Variants in NCALD observed in about 807,000 individuals in gnomAD.
NCALD encodes the protein neurocalcin delta.
Under a neutral mutation model 18.6 loss-of-function variants are expected in NCALD, and 10 were observed. The ratio of observed to expected loss-of-function variants is 0.54; its 90% confidence interval spans 0.33 to 0.91. The LOEUF is 0.91. Ranked by LOEUF, NCALD falls within the 40% of genes least tolerant of loss-of-function variation. The pLI is 0.03. For synonymous variants in NCALD, 88 were observed against 87.4 expected (o/e 1.01, Z -0.04); for missense variants, 184 against 247.6 (o/e 0.74, Z 1.72).
intron 4 of NCALD, among the ~76,000 whole-genome samples, chr8:101,844,790 T>G (rs533741207): frequency 6.6e-6 from 1 of 152,192 alleles, no homozygotes; most frequent in Non-Finnish European, 1.5e-5. Context: ...CTAGCAATAT[T>G]GTGCAGGGTG....
At chr8:102,102,764 A>G (rs1201072823) in intron 1 of NCALD, among the ~76,000 whole-genome samples, 1 of 152,054 alleles carries the variant, frequency 6.6e-6, no homozygotes, top group African/African-American at 2.4e-5. Flanking sequence ...TGCATTTATG[A>G]AAGTTTAATG....
upstream of NCALD, among the ~76,000 whole-genome samples, chr8:101,792,193 A>C (rs141192749): frequency 3.9e-5 from 6 of 152,330 alleles, no homozygotes; most frequent in East Asian, 1.2e-3. Flanking sequence ...TAAATAAATA[A>C]AAAAGAGTAG....
At chr8:101,804,129 A>T (rs1192934100) in intron 4 of NCALD, among the ~76,000 whole-genome samples, 1 of 151,954 alleles carries the variant, frequency 6.6e-6, no homozygotes, top group African/African-American at 2.4e-5. Flanking sequence ...GATCATTAGT[A>T]ATTTTTAGAA....
chr8:101,934,585 AG>A (rs1818692422), intron 2 of NCALD, among the ~76,000 whole-genome samples: 2 of 152,164 alleles, frequency 1.3e-5, no homozygotes, highest in African/African-American at 2.4e-5. Context: ...AGCTTCAGGA[AG>A]GAGGGAGTTC....
At chr8:101,913,208 T>C (rs1817861921) in intron 3 of NCALD, among the ~76,000 whole-genome samples, 1 of 152,242 alleles carries the variant, frequency 6.6e-6, no homozygotes, top group African/African-American at 2.4e-5. Flanking sequence ...TTTAAGTCAC[T>C]ATATTTGTGG....
intron 2 of NCALD, among the ~76,000 whole-genome samples, chr8:101,705,061 A>T (rs1237087520): frequency 6.6e-6 from 1 of 150,956 alleles, no homozygotes; most frequent in Non-Finnish European, 1.5e-5. Context: ...ACCCCGTCTC[A>T]ACTAAAAATA....
At position 101,687,346 on chromosome 8, in the gene NCALD, C is replaced by A. The variant is rs544930239; in HGVS notation, c.*1963G>T. ...TCCTCACCCAGTCTGCCTTCTGTGTCTTAGGTTAATTCGCTATTTTCCAAA... is the reference window on the plus strand; with the variant it reads ...TCCTCACCCAGTCTGCCTTCTGTGTATTAGGTTAATTCGCTATTTTCCAAA... On this transcript the variant is annotated 3_prime_UTR_variant, in exon 4 of 4. Coordinates refer to ENST00000220931, the MANE Select transcript of NCALD (RefSeq NM_032041.3). 7.9e-5 allele frequency: 12 copies of A among 152,820 alleles called. No homozygotes were observed. Among genetic ancestry groups the A allele is most frequent in the Admixed American group, 7.8e-4 (12 of 15,314 alleles). 9.5% of individuals were successfully genotyped at this position (152,820 alleles called of 1,614,324 possible). A position where few individuals can be genotyped will look rare whatever the true frequency, so the allele number is the denominator to read the frequency against.
intron 1 of NCALD, among the ~76,000 whole-genome samples, chr8:101,752,964 T>C (rs552809351): frequency 8.5e-5 from 13 of 152,326 alleles, no homozygotes; most frequent in Admixed American, 2.0e-4. Flanking sequence ...ACATGTATTT[T>C]ATTCTTACAA....
intron 1 of NCALD, among the ~76,000 whole-genome samples, chr8:102,035,474 T>C (rs1189450679): frequency 6.6e-6 from 1 of 152,124 alleles, no homozygotes; most frequent in African/African-American, 2.4e-5. Context: ...ACAAAGAATA[T>C]CAACTTCTGT....
At chr8:102,006,366 T>C (rs1704438797) in intron 2 of NCALD, among the ~76,000 whole-genome samples, 1 of 152,190 alleles carries the variant, frequency 6.6e-6, no homozygotes, top group South Asian at 2.1e-4. Context: ...TATAAATTAA[T>C]AAACAGAGCA....
intron 1 of NCALD, among the ~76,000 whole-genome samples, chr8:102,057,215 T>C (rs1293470100): frequency 1.3e-5 from 2 of 151,824 alleles, no homozygotes; most frequent in African/African-American, 2.4e-5. Flanking sequence ...CACATGGTTT[T>C]CCTTCTGCCT....
chr8:101,710,665 C>A (rs1186650481), intron 2 of NCALD, among the ~76,000 whole-genome samples: 1 of 152,232 alleles, frequency 6.6e-6, no homozygotes, highest in Non-Finnish European at 1.5e-5. Flanking sequence ...TTGGACTGGG[C>A]AGAGCCCACC....
At chr8:101,961,455 C>T (rs1025280313) in intron 2 of NCALD, among the ~76,000 whole-genome samples, 5 of 152,124 alleles carry the variant, frequency 3.3e-5, no homozygotes, top group East Asian at 3.9e-4. Flanking sequence ...TTTTCTATCT[C>T]ATGGTCAAAG....
At chr8:102,078,902 C>T (rs1274271127) in intron 1 of NCALD, among the ~76,000 whole-genome samples, 2 of 152,178 alleles carry the variant, frequency 1.3e-5, no homozygotes, top group African/African-American at 2.4e-5. Context: ...TAAAACAGTG[C>T]CTGGAGCACT....
intron 2 of NCALD, among the ~76,000 whole-genome samples, chr8:101,998,117 T>G (rs1821307835): frequency 6.6e-6 from 1 of 152,034 alleles, no homozygotes; most frequent in Non-Finnish European, 1.5e-5. Context: ...TTCTTAAAGA[T>G]CAACACCTTT....
intron 4 of NCALD, among the ~76,000 whole-genome samples, chr8:101,867,101 C>A (rs1815801817): frequency 6.6e-6 from 1 of 152,190 alleles, no homozygotes; most frequent in Non-Finnish European, 1.5e-5. Flanking sequence ...GGCCTTTGTA[C>A]TTGGCACTCC....
chr8:102,048,768 C>T (rs1262034152), intron 1 of NCALD, among the ~76,000 whole-genome samples: 1 of 152,188 alleles, frequency 6.6e-6, no homozygotes, highest in Non-Finnish European at 1.5e-5. Context: ...CATGCACACA[C>T]TTCTACTTCA....
At chr8:101,930,429 T>C (rs1007276590) in intron 2 of NCALD, among the ~76,000 whole-genome samples, 8 of 151,784 alleles carry the variant, frequency 5.3e-5, no homozygotes, top group African/African-American at 1.9e-4. Context: ...ATAGGCAAAA[T>C]CTCTTTATTT....
chr8:101,800,997 G>A (rs577073382), intron 4 of NCALD, among the ~76,000 whole-genome samples: 13 of 141,224 alleles, frequency 9.2e-5, no homozygotes, highest in African/African-American at 2.7e-4. Flanking sequence ...AGAAGAGGAA[G>A]GAAAGAAAAC....
Sources: gnomAD v4.1 joint callset for allele counts (sites outside exome capture counted in the v4.1 genomes callset) on GRCh38, gnomAD v4.1.1 for gene constraint, MANE v1.5 for transcripts, NCBI Gene and HGNC (gene_info 2026-07-23, HGNC 2026-07-21) for gene names.